The following TRPC4 variants were observed in gnomAD, a reference collection of about 807,000 sequenced individuals.
TRPC4 encodes the protein transient receptor potential cation channel subfamily C member 4.
TRPC4 carries 49 observed loss-of-function variants against 99.4 expected under a neutral mutation model. The ratio of observed to expected loss-of-function variants is 0.49; its 90% CI spans 0.39 to 0.63. TRPC4 has a LOEUF of 0.63. TRPC4 is among the 20% of genes least tolerant of loss of function. The probability of loss-of-function intolerance (pLI) is 0.00; values close to 1 mark genes in which losing one functional copy is unlikely to be tolerated. For missense variants in TRPC4, 898 were observed against 1,152.9 expected, an observed-to-expected ratio of 0.78 and a Z score of 3.20; for synonymous variants, 454 against 425.9, an observed-to-expected ratio of 1.07 and a Z score of -0.81.
intron 4 of TRPC4, among the ~76,000 whole-genome samples, chr13:37,676,588 G>A (rs1953061309): frequency 6.6e-6 from 1 of 151,982 alleles, no homozygotes; most frequent in African/African-American, 2.4e-5. Flanking sequence ...GGCCAGGATG[G>A]TCTCGATCTC....
At chr13:37,669,523 T>C (rs1952765582) in intron 5 of TRPC4, among the ~76,000 whole-genome samples, 1 of 152,218 alleles carries the variant, frequency 6.6e-6, no homozygotes. Flanking sequence ...AAACTTTGCA[T>C]GTAAAATGGA....
rs1955767819 is a variant in TRPC4 at position 37,746,089 on chromosome 13, T to C, written c.745A>G (p.Lys249Glu). ...SEYEELSRQC[K>E]QFAKDLLDQT... is the part of the protein sequence containing the mutation. The stretch of plus-strand genomic sequence containing the variant: ...TCCAGTAGGTCCTTAGCAAATTGTT[T>C]GCACTGCCGTGACAGCTCTTCATAC... Residue 249 changes from lysine to glutamate, a missense_variant, in exon 3 of 11, where the codon AAA (lysine) becomes GAA (glutamate). Transcript: ENST00000379705. The C allele has an allele frequency of 6.2e-7, 1 of 1,613,866 alleles. No individual in the cohort carries two copies. Among genetic ancestry groups the C allele is most frequent in the African/African-American group, 1.3e-5 (1 of 74,928 alleles).
intron 1 of TRPC4, among the ~76,000 whole-genome samples, chr13:37,856,855 T>C (rs560506961): frequency 1.3e-5 from 2 of 151,738 alleles, no homozygotes; most frequent in South Asian, 2.1e-4. Flanking sequence ...TCCTTCATGA[T>C]AAAAACTCTC....
rs779338336 is a variant in TRPC4 at position 37,745,917 on chromosome 13, T to C, written c.897+20A>G. 1 of 1,595,836 alleles carries C rather than the reference T, an allele frequency of 6.3e-7. No individual in the cohort carries two copies. The highest frequency in any genetic ancestry group is 1.1e-5 in the South Asian group (1 of 88,212). On this transcript the variant is annotated intron_variant, in intron 3 of 10. Coordinates refer to ENST00000379705, the MANE Select transcript of TRPC4 (RefSeq NM_016179.4). ...TTAAACTCTATGGCATTTTGATGGA[T>C]CAAGTCTGGCAACACTCACCTCTTT... is the stretch of plus-strand genomic sequence containing the variant.
At chr13:37,699,386 A>G (rs997019760) in intron 3 of TRPC4, among the ~76,000 whole-genome samples, 2 of 152,058 alleles carry the variant, frequency 1.3e-5, no homozygotes, top group African/African-American at 4.8e-5. Flanking sequence ...CTTTCAGCAT[A>G]ATAATAATAA....
intron 1 of TRPC4, among the ~76,000 whole-genome samples, chr13:37,843,705 C>CACACACACACACACAT (rs35659228): frequency 1.3e-5 from 2 of 151,650 alleles, no homozygotes; most frequent in African/African-American, 4.9e-5. Context: ...CACACACACA[C>CACACACACACACACAT]GCACACATAC....
chr13:37,860,486 T>G (rs564846004), intron 1 of TRPC4, among the ~76,000 whole-genome samples: 1 of 151,594 alleles, frequency 6.6e-6, no homozygotes, highest in Admixed American at 6.6e-5. Context: ...TCTTAAAACC[T>G]TTTTGTTTAA....
intron 2 of TRPC4, among the ~76,000 whole-genome samples, chr13:37,763,098 A>T (rs1372120573): frequency 6.6e-6 from 1 of 151,596 alleles, no homozygotes; most frequent in African/African-American, 2.4e-5. Context: ...TGGTTAAAAA[A>T]AACCTATATA....
intron 1 of TRPC4, among the ~76,000 whole-genome samples, chr13:37,828,490 A>C (rs1012013973): frequency 6.6e-6 from 1 of 152,182 alleles, no homozygotes; most frequent in African/African-American, 2.4e-5. Flanking sequence ...TTGGGCATAC[A>C]CCCAAAGGAA....
intron 6 of TRPC4, among the ~76,000 whole-genome samples, chr13:37,655,860 T>C (rs1457952984): frequency 6.6e-6 from 1 of 152,154 alleles, no homozygotes; most frequent in Non-Finnish European, 1.5e-5. Context: ...GGGCACTAAG[T>C]CATCACTAAT....
intron 2 of TRPC4, among the ~76,000 whole-genome samples, chr13:37,770,823 G>A (rs1956533025): frequency 6.6e-6 from 1 of 151,600 alleles, no homozygotes; most frequent in Non-Finnish European, 1.5e-5. Flanking sequence ...GATGAAGCGT[G>A]TATCGTATTC....
intron 3 of TRPC4, among the ~76,000 whole-genome samples, chr13:37,708,439 G>A (rs1332950496): frequency 6.6e-6 from 1 of 151,890 alleles, no homozygotes; most frequent in East Asian, 1.9e-4. Flanking sequence ...ATTTCTGTCA[G>A]GATAAATTTA....
At chr13:37,696,993 G>A (rs1289326842) in intron 3 of TRPC4, among the ~76,000 whole-genome samples, 3 of 142,290 alleles carry the variant, frequency 2.1e-5, no homozygotes, top group Admixed American at 7.4e-5. Flanking sequence ...AAATGTCTCT[G>A]TCTCTCTCTG....
intron 2 of TRPC4, among the ~76,000 whole-genome samples, chr13:37,751,632 C>T (rs192795131): frequency 3.9e-5 from 6 of 152,120 alleles, no homozygotes; most frequent in Admixed American, 1.3e-4. Flanking sequence ...CAGGCAATTC[C>T]CTTTCTTAAA....
At chr13:37,838,815 C>T (rs1159019118) in intron 1 of TRPC4, among the ~76,000 whole-genome samples, 1 of 152,084 alleles carries the variant, frequency 6.6e-6, no homozygotes, top group African/African-American at 2.4e-5. Flanking sequence ...TCTACATTTG[C>T]ATATACTTGC....
At chr13:37,667,554 C>T (rs912301982) in intron 5 of TRPC4, among the ~76,000 whole-genome samples, 1 of 152,248 alleles carries the variant, frequency 6.6e-6, no homozygotes, top group African/African-American at 2.4e-5. Context: ...GTGGTCTGCC[C>T]GCCTGGGCCT....
intron 2 of TRPC4, among the ~76,000 whole-genome samples, chr13:37,776,974 T>C (rs1264499186): frequency 6.6e-6 from 1 of 151,978 alleles, no homozygotes; most frequent in African/African-American, 2.4e-5. Context: ...TGCATTAACA[T>C]GCTAGTACCA....
In TRPC4 at chr13:37,816,906, A is replaced by C. The variant is rs1432907964; in HGVS notation, c.-27-33546T>G. Among the ~76,000 whole-genome samples, 48 of 151,974 alleles carry C rather than the reference A, an allele frequency of 3.2e-4. 1 individual carries two copies. On this transcript the variant is annotated intron_variant, in intron 1 of 10. Transcript: ENST00000379705. ...AAAGAGCCATCTCTGACAAACCCAT[A>C]ACCCACATATTACTAAATGGCACAA...
At chr13:37,776,437 C>A (rs1194358378) in intron 2 of TRPC4, among the ~76,000 whole-genome samples, 1 of 151,694 alleles carries the variant, frequency 6.6e-6, no homozygotes, top group Non-Finnish European at 1.5e-5. Flanking sequence ...TATACTATAA[C>A]TCTTATTCTT....
Sources: allele counts gnomAD v4.1 joint callset (sites outside exome capture counted in the v4.1 genomes callset), GRCh38; gene constraint gnomAD v4.1.1; transcripts MANE v1.5; gene names NCBI Gene and HGNC (gene_info 2026-07-23, HGNC 2026-07-21).